CNTRL: variants seen among roughly 807,000 people sequenced by gnomAD.
CNTRL encodes 110 kDa centrosomal protein.
A neutral mutation model predicts 303.7 loss-of-function variants in CNTRL; 233 were observed. The ratio of observed to expected loss-of-function variants is 0.77; its 90% CI spans 0.69 to 0.86. CNTRL has a LOEUF of 0.86. Among genes scored for constraint, CNTRL ranks in the 40% least tolerant of loss-of-function variants. The probability of loss-of-function intolerance (pLI) is 0.00; values close to 1 mark genes in which losing one functional copy is unlikely to be tolerated. For missense variants in CNTRL, 2,524 were observed against 2,650.6 expected, an observed-to-expected ratio of 0.95 and a Z score of 1.05; for synonymous variants, 900 against 922.2, an observed-to-expected ratio of 0.98 and a Z score of 0.44.
chr9:121,125,766 A>G lies in CNTRL; in HGVS notation c.1855A>G (p.Ser619Gly), dbSNP rs763846259. Residue 619 changes from serine to glycine, a missense_variant, in exon 14 of 44, where the codon AGT becomes GGT. Coordinates refer to ENST00000373855, the MANE Select transcript of CNTRL (RefSeq NM_007018.6). ...GAAGAAGGATTTAGAAGGTGTTATC[A>G]GTGGGTTGCAAGAATACCTGGGGAC... ...ALKKDLEGVISGLQEYLGTIK... is the reference protein window; with the variant it reads ...ALKKDLEGVIGGLQEYLGTIK... The G allele has an allele frequency of 3.7e-6, 6 of 1,614,218 alleles. No homozygotes were observed. Among genetic ancestry groups the G allele is most frequent in the South Asian group, 1.1e-5 (1 of 91,090 alleles).
intron 14 of CNTRL, among the ~76,000 whole-genome samples, chr9:121,126,908 G>A (rs1281268438): frequency 6.6e-6 from 1 of 151,724 alleles, no homozygotes; most frequent in Non-Finnish European, 1.5e-5. Flanking sequence ...TGCATCCTCC[G>A]CCTCCTGGGT....
chr9:121,173,059 A>G (rs769043359), intron 40 of CNTRL, among the ~76,000 whole-genome samples, 184 bp from the exon 41 acceptor site: 12 of 152,278 alleles, frequency 7.9e-5, no homozygotes, highest in Non-Finnish European at 1.8e-4. Context: ...TAAAATGCCA[A>G]TAAAATAATT....
At position 121,140,739 on chromosome 9, in the gene CNTRL, T is replaced by C; in HGVS notation, c.2436T>C (p.Arg812=). The C allele has an allele frequency of 6.2e-7, 1 of 1,613,502 alleles. No homozygotes were observed. Among genetic ancestry groups the C allele is most frequent in the Non-Finnish European group, 8.5e-7 (1 of 1,179,586 alleles). ...GLVRPEEVAA[R]VDELRRKLKL... is the part of the protein sequence containing the mutation. The stretch of plus-strand genomic sequence containing the variant: ...TTCGTCCAGAAGAAGTGGCAGCTCG[T>C]GTGGATGAGCTAAGAAGAAAACTGA... Residue 812 remains arginine (R), a synonymous_variant, in exon 17 of 44, where the codon CGT becomes CGC. Transcript: ENST00000373855.
intron 12 of CNTRL, chr9:121,122,081 C>T (rs1315170030): frequency 2.5e-5 from 7 of 285,522 alleles, no homozygotes; most frequent in African/African-American, 9.1e-5. Context: ...TACTTTTGTT[C>T]CCATGTATTT....
intron 1 of CNTRL, among the ~76,000 whole-genome samples, chr9:121,076,615 A>G (rs924280872): frequency 1.3e-5 from 2 of 152,138 alleles, no homozygotes; most frequent in African/African-American, 4.8e-5. Flanking sequence ...GGAAAGAACC[A>G]TAGAGAAATG....
chr9:121,076,217 A>G (rs2047918104), intron 1 of CNTRL, among the ~76,000 whole-genome samples: 2 of 152,184 alleles, frequency 1.3e-5, no homozygotes. Flanking sequence ...AGGGAGATAA[A>G]ATCTTCTGCA....
At chr9:121,089,162 A>G (rs1478348966) in intron 3 of CNTRL, among the ~76,000 whole-genome samples, 2 of 152,238 alleles carry the variant, frequency 1.3e-5, no homozygotes, top group Non-Finnish European at 2.9e-5. Context: ...CATTAACAAC[A>G]CTGAGTTTAT....
At chr9:121,101,023 T>G (rs2049139263) in intron 7 of CNTRL, among the ~76,000 whole-genome samples, 1 of 152,102 alleles carries the variant, frequency 6.6e-6, no homozygotes, top group South Asian at 2.1e-4. Context: ...AACAAGGATA[T>G]CCAGGAATTG....
Position 121,092,655 on chromosome 9 carries a change from A to C in CNTRL, c.349-2233A>C. 7.9e-5 allele frequency among the ~76,000 whole-genome samples: 2 copies of C among 25,426 alleles called. 1 individual carries two copies. The allele number at this position is 25,426 out of a possible 152,430, so 16.7% of individuals were successfully genotyped here. ...ATATATATAATATATATCTATATAT[A>C]ATATATATCTATATATATAATATAT... On this transcript the variant is annotated intron_variant, in intron 4 of 43. Coordinates refer to ENST00000373855, the MANE Select transcript of CNTRL (RefSeq NM_007018.6).
chr9:121,142,367 A>G (rs563424059), intron 19 of CNTRL, 97 bp downstream of exon 19: 1 of 1,076,702 alleles, frequency 9.3e-7, no homozygotes, highest in East Asian at 2.6e-5. Flanking sequence ...ATCTGTAGTC[A>G]CCTCTGGCTG....
At chr9:121,131,215 A>G (rs1236483863) in intron 14 of CNTRL, among the ~76,000 whole-genome samples, 2 of 152,252 alleles carry the variant, frequency 1.3e-5, no homozygotes, top group Non-Finnish European at 2.9e-5. Context: ...TGATCTGTCT[A>G]ATATTGACAG....
chr9:121,154,636 TG>T, intron 26 of CNTRL, 84 bp from the exon 27 acceptor site: 1 of 765,018 alleles, frequency 1.3e-6, no homozygotes, highest in African/African-American at 1.7e-5. Flanking sequence ...AGAAAATCAT[TG>T]TAGATCTTTT....
At chr9:121,130,926 T>C (rs987988484) in intron 14 of CNTRL, among the ~76,000 whole-genome samples, 6 of 152,160 alleles carry the variant, frequency 3.9e-5, no homozygotes, top group African/African-American at 1.4e-4. Flanking sequence ...TTAGTTTCCA[T>C]GTGGTTGAGT....
chr9:121,148,545 A>C, intron 23 of CNTRL, 127 bp from the exon 24 acceptor site: 1 of 789,874 alleles, frequency 1.3e-6, no homozygotes, highest in Non-Finnish European at 2.0e-6. Flanking sequence ...AAAAATAAGG[A>C]TAATGAAAAG....
chr9:121,117,920 G>A (rs575878847), intron 11 of CNTRL, among the ~76,000 whole-genome samples: 59 of 151,704 alleles, frequency 3.9e-4, no homozygotes, highest in African/African-American at 1.1e-3. Context: ...CAGAGCTTGC[G>A]GTGAGCCGAG....
chr9:121,094,988 G>T lies in CNTRL; in HGVS notation c.449G>T (p.Arg150Leu). The T allele has an allele frequency of 6.2e-7, 1 of 1,607,858 alleles. No homozygotes were observed. Among genetic ancestry groups the T allele is most frequent in the South Asian group, 1.1e-5 (1 of 90,174 alleles). Residue 150 changes from arginine (R) to leucine (L), a missense_variant, in exon 5 of 44, where the codon CGT becomes CTT. By Grantham distance (102) the Arg-to-Leu change is moderately radical. Transcript: ENST00000373855. ...IEKLDKLLKLRELNLSYNKIS... is the reference protein window; with the variant it reads ...IEKLDKLLKLLELNLSYNKIS... ...AAGTTGGACAAGCTGTTAAAATTAC[G>T]TGAACTCAACTTATCATATAACAAA...
chr9:121,126,065 T>C, intron 14 of CNTRL, 129 bp downstream of exon 14: 1 of 695,176 alleles, frequency 1.4e-6, no homozygotes, highest in East Asian at 2.7e-5. Flanking sequence ...GTGATTTTTT[T>C]CTTTTAACAG....
chr9:121,138,105 A>G (rs2051294750), intron 15 of CNTRL, among the ~76,000 whole-genome samples: 1 of 152,120 alleles, frequency 6.6e-6, no homozygotes, highest in African/African-American at 2.4e-5. Flanking sequence ...CACCCACTCT[A>G]GAGATTCTGA....
At chr9:121,081,089 C>G (rs1353069781) in intron 2 of CNTRL, among the ~76,000 whole-genome samples, 1 of 152,138 alleles carries the variant, frequency 6.6e-6, no homozygotes, top group Non-Finnish European at 1.5e-5. Flanking sequence ...TTCTCTTGGC[C>G]TCTCTGTGCA....
Sources: gnomAD v4.1 joint callset for allele counts (sites outside exome capture counted in the v4.1 genomes callset) on GRCh38, gnomAD v4.1.1 for gene constraint, MANE v1.5 for transcripts, NCBI Gene and HGNC (gene_info 2026-07-23, HGNC 2026-07-21) for gene names.